The following GMEB2 variants were observed in gnomAD, a reference collection of about 807,000 sequenced individuals.
The protein encoded by GMEB2 is glucocorticoid modulatory element binding protein 2, also known as glucocorticoid modulatory element-binding protein 2.
Under a neutral mutation model 45.7 loss-of-function variants are expected in GMEB2, and 7 were observed. The observed-to-expected ratio is 0.15, with a 90% CI of 0.09 to 0.29. The LOEUF (loss-of-function observed/expected upper bound fraction) is 0.29. GMEB2 is among the 10% of genes least tolerant of loss of function. The probability of loss-of-function intolerance (pLI) is 1.00; values close to 1 mark genes in which losing one functional copy is unlikely to be tolerated. For synonymous variants in GMEB2, 322 were observed against 323.6 expected (o/e 1.00, Z 0.05); for missense variants, 582 against 739.2 (o/e 0.79, Z 2.47).
rs1601004714 is a variant in GMEB2 at position 63,592,801 on chromosome 20, G to C, written c.692-131C>G. ...GCCGGCAGCGCCTGGCACTGTGCTG[G>C]GCTTGCACTGCCCAGACACATCCAC... On this transcript the variant is annotated intron_variant, in intron 7 of 9. Coordinates refer to ENST00000370077, the MANE Select transcript of GMEB2 (RefSeq NM_012384.5). The surrounding 1 kb of genome is among the most constrained non-coding windows in gnomAD (Gnocchi z 8.2). 2.4e-6 allele frequency: 2 copies of C among 842,098 alleles called. No homozygotes were observed. The highest frequency in any genetic ancestry group is 4.9e-5 in the East Asian group (2 of 40,818). The allele number at this position is 842,098 out of a possible 1,614,324, so 52.2% of individuals were successfully genotyped here.
At chr20:63,596,445 G>C (rs1188762842) in intron 5 of GMEB2, among the ~76,000 whole-genome samples, 1 of 152,238 alleles carries the variant, frequency 6.6e-6, no homozygotes, top group Non-Finnish European at 1.5e-5. Context: ...TCAATCTTTG[G>C]GCAGCACTGA....
At position 63,620,602 on chromosome 20, in the gene GMEB2, A is replaced by G. The variant is rs2089637758; in HGVS notation, c.-57-1148T>C. Reference sequence around the variant, plus strand: ...AGAAAACTGACCTACAGGATAGGCCACTGCCCAGGTCTCAGATGGGCCCCA... The same window carrying G: ...AGAAAACTGACCTACAGGATAGGCCGCTGCCCAGGTCTCAGATGGGCCCCA... On this transcript the variant is annotated intron_variant, in intron 1 of 9. Transcript: ENST00000370077. Among the ~76,000 whole-genome samples, 4 of 152,226 alleles carry G rather than the reference A, an allele frequency of 2.6e-5. No homozygotes were observed. In the South Asian group the frequency reaches 8.3e-4, roughly 31 times the overall value.
At chr20:63,601,475 T>C (rs1343644475) in intron 4 of GMEB2, among the ~76,000 whole-genome samples, 1 of 152,170 alleles carries the variant, frequency 6.6e-6, no homozygotes, top group African/African-American at 2.4e-5. Flanking sequence ...GTGTTGAACT[T>C]CAATCCTATC....
intron 2 of GMEB2, among the ~76,000 whole-genome samples, chr20:63,607,750 A>C (rs146652566): frequency 2.5e-3 from 21 of 8,362 alleles, no homozygotes; most frequent in Admixed American, 5.7e-3. Flanking sequence ...CTGACCCCAC[A>C]TCCATTTCTA....
chr20:63,622,501 A>G (rs1485156802), intron 1 of GMEB2, among the ~76,000 whole-genome samples: 1 of 152,184 alleles, frequency 6.6e-6, no homozygotes, highest in African/African-American at 2.4e-5. Context: ...TGTCTTAGGG[A>G]GAGGAAGTCC....
chr20:63,603,478 C>T (rs1483567332), intron 3 of GMEB2, among the ~76,000 whole-genome samples: 2 of 152,202 alleles, frequency 1.3e-5, no homozygotes, highest in Non-Finnish European at 2.9e-5. Flanking sequence ...TTTTTGTAAT[C>T]CCAGCACTTT....
intron 1 of GMEB2, among the ~76,000 whole-genome samples, chr20:63,622,735 T>G (rs183899160): frequency 6.6e-6 from 1 of 152,284 alleles, no homozygotes; most frequent in Admixed American, 6.5e-5. Flanking sequence ...GTCTCTGAAG[T>G]AACCCTTGAC....
chr20:63,609,992 A>C (rs971513541), intron 2 of GMEB2, among the ~76,000 whole-genome samples: 25 of 151,800 alleles, frequency 1.6e-4, no homozygotes, highest in African/African-American at 5.6e-4. Flanking sequence ...TGCCCCTCTG[A>C]CTCCACCTCC....
At chr20:63,594,404 C>A (rs900299124) in intron 6 of GMEB2, among the ~76,000 whole-genome samples, 2 of 152,340 alleles carry the variant, frequency 1.3e-5, no homozygotes, top group South Asian at 2.1e-4. Flanking sequence ...GGAGGCTGGG[C>A]TCTACCCAGC....
chr20:63,600,953 G>C (rs2083237541), intron 4 of GMEB2, among the ~76,000 whole-genome samples: 1 of 152,106 alleles, frequency 6.6e-6, no homozygotes, highest in African/African-American at 2.4e-5. Flanking sequence ...ATGATGTGAA[G>C]ATGGATCGCT....
intron 6 of GMEB2, among the ~76,000 whole-genome samples, chr20:63,594,051 G>C (rs896438505): frequency 1.3e-5 from 2 of 152,228 alleles, no homozygotes; most frequent in African/African-American, 4.8e-5. Context: ...GGAAGCAGTT[G>C]AATGTTTTGG....
At chr20:63,604,637 G>A (rs148481039) in intron 3 of GMEB2, 106 bp downstream of exon 3, 44 of 754,154 alleles carry the variant, frequency 5.8e-5, no homozygotes, top group African/African-American at 5.0e-4. Flanking sequence ...GAATCAGCCC[G>A]AACAAAGACC....
chr20:63,621,631 C>T (rs1440326728), intron 1 of GMEB2, among the ~76,000 whole-genome samples: 2 of 126,682 alleles, frequency 1.6e-5, no homozygotes, highest in African/African-American at 6.2e-5. Flanking sequence ...CGTGCCACTG[C>T]ACTCCAGCCT....
At chr20:63,624,842 G>A (rs1031204117) in intron 1 of GMEB2, among the ~76,000 whole-genome samples, 1 of 151,954 alleles carries the variant, frequency 6.6e-6, no homozygotes, top group Non-Finnish European at 1.5e-5. Context: ...TGAGTAGCTG[G>A]GATTACAGGC....
intron 2 of GMEB2, among the ~76,000 whole-genome samples, chr20:63,612,336 C>T (rs913162205): frequency 1.7e-4 from 26 of 152,098 alleles, no homozygotes; most frequent in African/African-American, 5.6e-4. Flanking sequence ...CCCTGGAGCC[C>T]GTCCTGTCTT....
At chr20:63,607,574 C>T (rs867712858) in intron 2 of GMEB2, among the ~76,000 whole-genome samples, 52 of 23,032 alleles carry the variant, frequency 2.3e-3, no homozygotes, top group Middle Eastern at 0.071. Context: ...CCCTCTGACC[C>T]CACCTCCATT....
chr20:63,626,266 GC>G (rs1250164184), intron 1 of GMEB2, among the ~76,000 whole-genome samples: 114 of 20,336 alleles, frequency 5.6e-3, no homozygotes, highest in Non-Finnish European at 0.027. Context: ...TTGGGTGCCT[GC>G]CGGGTGGCCC....
At position 63,619,250 on chromosome 20, in the gene GMEB2, C is replaced by T; in HGVS notation, c.131+17G>A. On this transcript the variant is annotated intron_variant, in intron 2 of 9. Coordinates refer to ENST00000370077, the MANE Select transcript of GMEB2 (RefSeq NM_012384.5). This position sits in a 1 kb window ranked among gnomAD's most constrained non-coding sequence, Gnocchi z 4.6. ...CAAGCCCCCATCAGCCCCAATGGCA[C>T]CGAGGCCCGAGCTTACCCGTGAGGG... The T allele has an allele frequency of 6.3e-7, 1 of 1,598,458 alleles. No individual in the cohort carries two copies. The highest frequency in any genetic ancestry group is 1.3e-5 in the African/African-American group (1 of 74,778).
chr20:63,595,531 G>A, intron 6 of GMEB2, 79 bp downstream of exon 6: 1 of 1,350,750 alleles, frequency 7.4e-7, no homozygotes, highest in Non-Finnish European at 1.0e-6. Context: ...GGGCCAAGGA[G>A]GCCACCCAGG....
Sources: gnomAD v4.1 joint callset for allele counts (sites outside exome capture counted in the v4.1 genomes callset) on GRCh38, gnomAD v4.1.1 for gene constraint, Gnocchi (gnomAD v3.1) non-coding constraint, MANE v1.5 for transcripts, NCBI Gene and HGNC (gene_info 2026-07-23, HGNC 2026-07-21) for gene names.